PADI1: variants seen among roughly 807,000 people sequenced by gnomAD.
PADI1 encodes the protein peptidyl arginine deiminase 1, also known as protein-arginine deiminase type-1.
A neutral mutation model predicts 74.8 loss-of-function variants in PADI1; 65 were observed. The ratio of observed to expected loss-of-function variants is 0.87; its 90% confidence interval spans 0.71 to 1.07. PADI1 has a LOEUF of 1.07. Among genes scored for constraint, PADI1 ranks in the 50% least tolerant of loss-of-function variants. The pLI is 0.00. For missense variants in PADI1, 943 were observed against 854.0 expected (o/e 1.10, Z -1.30); for synonymous variants, 371 against 336.2 (o/e 1.10, Z -1.13).
rs115349834 is a variant in PADI1 at position 17,219,547 on chromosome 1, G to C, written c.93-2743G>C. On this transcript the variant is annotated intron_variant, in intron 1 of 15. Coordinates refer to ENST00000375471, the MANE Select transcript of PADI1 (RefSeq NM_013358.3). ...ACAGGAGCATTGGATGAGAGGTCAA[G>C]GGACTGAGGGACCAGGGTGCAGCAC... 5.8e-3 allele frequency among the ~76,000 whole-genome samples: 886 copies of C among 152,266 alleles called. 9 individuals are homozygous for C. Among genetic ancestry groups the C allele is most frequent in the African/African-American group, 0.019 (791 of 41,548 alleles).
intron 1 of PADI1, among the ~76,000 whole-genome samples, chr1:17,217,758 G>A (rs2072018865): frequency 6.6e-6 from 1 of 152,230 alleles, no homozygotes; most frequent in Non-Finnish European, 1.5e-5. Context: ...ACTGGCTAGA[G>A]TGGGAGTGTT....
intron 1 of PADI1, 41 bp downstream of exon 1, chr1:17,205,350 G>A (rs951897254): frequency 2.0e-6 from 3 of 1,537,228 alleles, no homozygotes; most frequent in Admixed American, 3.4e-5. Context: ...AGAGAGCTGG[G>A]TTAGAGTGTA....
At chr1:17,217,497 A>G (rs1000060758) in intron 1 of PADI1, among the ~76,000 whole-genome samples, 4 of 152,210 alleles carry the variant, frequency 2.6e-5, no homozygotes, top group African/African-American at 7.2e-5. Flanking sequence ...CCTCAAGGAG[A>G]TCTGATTGTT....
At position 17,205,188 on chromosome 1, in the gene PADI1, G is replaced by A; in HGVS notation, c.-30G>A. ...GGACGGGAGCTGGGGAGCCAGGGCT[G>A]ATCTAGGAGGCTGGGAGCCAGGTGA... On this transcript the variant is annotated 5_prime_UTR_variant, in exon 1 of 16. Transcript: ENST00000375471. 1 of 1,597,346 alleles carries A rather than the reference G, an allele frequency of 6.3e-7. No individual in the cohort carries two copies. The highest frequency in any genetic ancestry group is 8.6e-7 in the Non-Finnish European group (1 of 1,165,374).
At chr1:17,235,246 A>G (rs889065933) in intron 11 of PADI1, among the ~76,000 whole-genome samples, 189 of 39,026 alleles carry the variant, frequency 4.8e-3, no homozygotes, top group Middle Eastern at 0.013. Context: ...AGGGAGGGAG[A>G]GTGGGAGGGA....
chr1:17,228,586 CCT>C (rs2100476186), intron 6 of PADI1, 37 bp from the exon 7 acceptor site: 1 of 1,609,374 alleles, frequency 6.2e-7, no homozygotes, highest in East Asian at 2.2e-5. Context: ...GCCCCTCACC[CCT>C]GTCTCCTCGC....
At chr1:17,211,171 G>A (rs2071824488) in intron 1 of PADI1, among the ~76,000 whole-genome samples, 1 of 151,894 alleles carries the variant, frequency 6.6e-6, no homozygotes, top group Non-Finnish European at 1.5e-5. Context: ...TGCCCTCTGT[G>A]ACTGTAATGA....
At chr1:17,225,743 C>A in intron 4 of PADI1, 68 bp from the exon 5 acceptor site, 1 of 1,047,722 alleles carries the variant, frequency 9.5e-7, no homozygotes, top group Non-Finnish European at 1.5e-6. Context: ...CCGCCCTGGC[C>A]ATGTCTAGAA....
intron 15 of PADI1, among the ~76,000 whole-genome samples, chr1:17,242,233 C>G (rs2072792238): frequency 6.6e-6 from 1 of 152,246 alleles, no homozygotes; most frequent in Admixed American, 6.5e-5. Flanking sequence ...CAAAAATGCC[C>G]TAGTGGACAA....
At chr1:17,229,891 A>G (rs923199456) in intron 8 of PADI1, among the ~76,000 whole-genome samples, 194 bp from the exon 9 acceptor site, 1 of 152,066 alleles carries the variant, frequency 6.6e-6, no homozygotes, top group African/African-American at 2.4e-5. Flanking sequence ...CTTATGCCTC[A>G]CCTTGCACCT....
chr1:17,228,239 A>G (rs10888009), intron 6 of PADI1, among the ~76,000 whole-genome samples: 60,718 of 152,038 alleles, frequency 0.4, 12,462 homozygotes, highest in Admixed American at 0.55. Context: ...TGGCCTCCCA[A>G]AGTGCTGGGA....
chr1:17,237,466 C>G lies in PADI1; in HGVS notation c.1458+8C>G, dbSNP rs2072673190. On this transcript the variant is annotated splice_region_variant and intron_variant, in intron 12 of 15. Coordinates refer to ENST00000375471, the MANE Select transcript of PADI1 (RefSeq NM_013358.3). Reference sequence around the variant, plus strand: ...CCTACCTCTGACCAAAAGGTGCGTCCCCTCCTTCCCTGCCTGAGCCACCTC... The same window carrying G: ...CCTACCTCTGACCAAAAGGTGCGTCGCCTCCTTCCCTGCCTGAGCCACCTC... 2 of 1,601,714 alleles carry G rather than the reference C, an allele frequency of 1.2e-6. No homozygotes were observed. Among genetic ancestry groups the G allele is most frequent in the Non-Finnish European group, 1.7e-6 (2 of 1,173,720 alleles).
chr1:17,232,742 C>G, intron 10 of PADI1, 77 bp from the exon 11 acceptor site: 1 of 1,364,448 alleles, frequency 7.3e-7, no homozygotes, highest in South Asian at 1.5e-5. Flanking sequence ...CAACTCCCCT[C>G]TACTCCAAGA....
intron 1 of PADI1, among the ~76,000 whole-genome samples, chr1:17,210,674 T>C (rs1318358115): frequency 6.6e-6 from 1 of 152,060 alleles, no homozygotes; most frequent in Admixed American, 6.6e-5. Flanking sequence ...CACAGCCACA[T>C]CATGTGTGAT....
At chr1:17,226,188 C>T in intron 6 of PADI1, 30 bp downstream of exon 6, 2 of 1,611,424 alleles carry the variant, frequency 1.2e-6, no homozygotes, top group Non-Finnish European at 1.7e-6. Context: ...CTTTTCCTCC[C>T]AGCTCCATCC....
intron 10 of PADI1, 74 bp from the exon 11 acceptor site, chr1:17,232,745 C>A: frequency 7.1e-7 from 1 of 1,403,038 alleles, no homozygotes; most frequent in Non-Finnish European, 9.6e-7. Context: ...CTCCCCTCTA[C>A]TCCAAGAACT....
intron 4 of PADI1, 137 bp from the exon 5 acceptor site, chr1:17,225,674 C>G (rs903007865): frequency 5.9e-6 from 4 of 682,012 alleles, no homozygotes; most frequent in African/African-American, 5.4e-5. Flanking sequence ...CCCAAATAAT[C>G]CTTTTTAAAA....
At chr1:17,239,168 C>T (rs1186989009) in intron 13 of PADI1, among the ~76,000 whole-genome samples, 1 of 152,146 alleles carries the variant, frequency 6.6e-6, no homozygotes, top group Non-Finnish European at 1.5e-5. Flanking sequence ...TTGGTTGGCC[C>T]ATCTCCCCTC....
At position 17,238,712 on chromosome 1, in the gene PADI1, G is replaced by A. The variant is rs771633674; in HGVS notation, c.1552+3G>A. 42 of 1,478,942 alleles carry A rather than the reference G, an allele frequency of 2.8e-5. No individual in the cohort carries two copies. The highest frequency in any genetic ancestry group is 3.7e-5 in the Non-Finnish European group (41 of 1,095,256). 91.6% of individuals were successfully genotyped at this position (1,478,942 alleles called of 1,614,324 possible). A position where few individuals can be genotyped will look rare whatever the true frequency, so the allele number is the denominator to read the frequency against. On this transcript the variant is annotated splice_donor_region_variant and intron_variant, in intron 13 of 15. Transcript: ENST00000375471. ...TGGGGAGGCAGCCCAGTTTGATGGT[G>A]AGTGCCAATGACCCGGTCACCCCTG...
Sources: gnomAD v4.1 joint callset for allele counts (sites outside exome capture counted in the v4.1 genomes callset) on GRCh38, gnomAD v4.1.1 for gene constraint, MANE v1.5 for transcripts, NCBI Gene and HGNC (gene_info 2026-07-23, HGNC 2026-07-21) for gene names.